SRGAP3: variants seen among roughly 807,000 people sequenced by gnomAD.
SRGAP3 encodes SLIT-ROBO Rho GTPase activating protein 3, also known as SLIT-ROBO Rho GTPase-activating protein 3.
Under a neutral mutation model 121.1 loss-of-function variants are expected in SRGAP3, and 39 were observed. The observed-to-expected ratio is 0.32, with a 90% confidence interval of 0.25 to 0.42. The LOEUF is 0.42. Among genes scored for constraint, SRGAP3 ranks in the 10% least tolerant of loss-of-function variants. The pLI is 1.00. For missense variants in SRGAP3, 1,213 were observed against 1,470.6 expected, an observed-to-expected ratio of 0.82 and a Z score of 2.86; for synonymous variants, 601 against 570.0, an observed-to-expected ratio of 1.05 and a Z score of -0.77.
chr3:8,997,873 T>C (rs114789051), intron 18 of SRGAP3, among the ~76,000 whole-genome samples: 39 of 121,936 alleles, frequency 3.2e-4, no homozygotes, highest in African/African-American at 1.4e-3. Context: ...TAAATATTCA[T>C]AGAGGTTTTT....
In SRGAP3 at chr3:8,982,588, G is replaced by A. The variant is rs1488541239; in HGVS notation, c.*2931C>T. 1 of 224,692 alleles carries A rather than the reference G, an allele frequency of 4.5e-6. No individual in the cohort carries two copies. The highest frequency in any genetic ancestry group is 8.9e-6 in the Non-Finnish European group (1 of 112,596). 13.9% of individuals were successfully genotyped at this position (224,692 alleles called of 1,614,324 possible). A position where few individuals can be genotyped will look rare whatever the true frequency, so the allele number is the denominator to read the frequency against. The stretch of plus-strand genomic sequence containing the variant: ...ATTTAAGCAAATACAGCAATATATA[G>A]TGGACTAAAACAGGCAGGAGTCAGA... On this transcript the variant is annotated 3_prime_UTR_variant, in exon 22 of 22. Coordinates refer to ENST00000383836, the MANE Select transcript of SRGAP3 (RefSeq NM_014850.4).
At chr3:9,176,066 C>T (rs1334828391) in intron 1 of SRGAP3, among the ~76,000 whole-genome samples, 1 of 152,164 alleles carries the variant, frequency 6.6e-6, no homozygotes. Context: ...GGACTACAGG[C>T]ACGTGCCACC....
In SRGAP3 at chr3:9,223,411, C is replaced by T. The variant is rs192872747; in HGVS notation, c.67+25474G>A. On this transcript the variant is annotated intron_variant, in intron 1 of 21. Transcript: ENST00000383836. ...GAATTAAATAGATTTTTCTACAGGA[C>T]TTATCAGAGTCTTTAATACATAGAA... is the stretch of plus-strand genomic sequence containing the variant. Among the ~76,000 whole-genome samples, 458 of 152,308 alleles carry T rather than the reference C, an allele frequency of 3.0e-3. 16 individuals carry two copies. The highest frequency in any genetic ancestry group is 0.028 in the Admixed American group (430 of 15,294).
rs897439554 is a variant in SRGAP3, at chr3:9,324,935, C to T, written n.442+1075G>A. 3.3e-5 allele frequency among the ~76,000 whole-genome samples: 5 copies of T among 150,860 alleles called. No individual in the cohort carries two copies. In the South Asian group the frequency reaches 6.2e-4, roughly 19 times the overall value. ...TCGCGCCACTGCACTCCAGCCTGGG[C>T]GACAGAGCCAGACTCCATCTCAAAA... On this transcript the variant is annotated intron_variant and non_coding_transcript_variant, in intron 3 of 3. Transcript: ENST00000490889.
chr3:9,306,818 A>C (rs1384885669), intron 3 of SRGAP3, among the ~76,000 whole-genome samples: 3 of 152,194 alleles, frequency 2.0e-5, no homozygotes, highest in Non-Finnish European at 4.4e-5. Flanking sequence ...AAGTCACAAA[A>C]ATGACAACCT....
chr3:9,188,359 T>C (rs1951660724), intron 1 of SRGAP3, among the ~76,000 whole-genome samples: 1 of 152,210 alleles, frequency 6.6e-6, no homozygotes, highest in African/African-American at 2.4e-5. Flanking sequence ...TGTTACACAA[T>C]TATAGGTCTT....
intron 18 of SRGAP3, among the ~76,000 whole-genome samples, chr3:9,005,736 T>C (rs1029553958): frequency 3.3e-5 from 5 of 152,142 alleles, no homozygotes; most frequent in African/African-American, 1.2e-4. Flanking sequence ...AGACTTACAG[T>C]TGCATTGACT....
chr3:9,088,542 G>C (rs1035816375), intron 3 of SRGAP3, among the ~76,000 whole-genome samples: 1 of 152,114 alleles, frequency 6.6e-6, no homozygotes, highest in African/African-American at 2.4e-5. Flanking sequence ...ACCCGTGAGA[G>C]GCCAGTAGCA....
intron 2 of SRGAP3, among the ~76,000 whole-genome samples, chr3:9,120,594 C>T (rs149152911): frequency 7.7e-4 from 118 of 152,278 alleles, no homozygotes; most frequent in Non-Finnish European, 1.6e-3. Flanking sequence ...TTTTCATGCT[C>T]GACAGCTCAT....
At chr3:9,354,135 G>C (rs1041155561) in intron 1 of SRGAP3, among the ~76,000 whole-genome samples, 1 of 151,960 alleles carries the variant, frequency 6.6e-6, no homozygotes, top group African/African-American at 2.4e-5. Flanking sequence ...GGAAGGGGGC[G>C]ACAGGATGGT....
chr3:9,126,858 C>T (rs1406794442), intron 1 of SRGAP3, among the ~76,000 whole-genome samples: 3 of 152,224 alleles, frequency 2.0e-5, no homozygotes, highest in East Asian at 1.9e-4. Flanking sequence ...ACCCAAGAAG[C>T]CCTGGCTTCA....
intron 18 of SRGAP3, among the ~76,000 whole-genome samples, chr3:9,006,410 A>AAAAAG (rs1559892472): frequency 6.6e-6 from 1 of 151,368 alleles, no homozygotes; most frequent in Non-Finnish European, 1.5e-5. Flanking sequence ...AAAAAAAAAA[A>AAAAAG]AAAAGAAAAG....
chr3:9,129,069 T>A (rs1949344903), intron 1 of SRGAP3, among the ~76,000 whole-genome samples: 1 of 152,202 alleles, frequency 6.6e-6, no homozygotes, highest in Admixed American at 6.5e-5. Flanking sequence ...AAATTTAAAA[T>A]TGCTATGTTA....
At chr3:9,079,894 C>G in intron 4 of SRGAP3, 131 bp downstream of exon 4, 1 of 852,762 alleles carries the variant, frequency 1.2e-6, no homozygotes, top group South Asian at 1.6e-5. Flanking sequence ...CGATGACCCA[C>G]TGTCACTCAG....
intron 17 of SRGAP3, among the ~76,000 whole-genome samples, 196 bp from the exon 18 acceptor site, chr3:9,010,583 G>A (rs891488150): frequency 1.2e-4 from 18 of 152,044 alleles, no homozygotes; most frequent in African/African-American, 3.6e-4. Context: ...TCCTCCTTGC[G>A]AAGCTTCCCA....
chr3:9,081,264 A>G (rs2664089), intron 3 of SRGAP3: 438,604 of 456,670 alleles, frequency 0.96, 210,713 homozygotes, highest in East Asian at 1. Flanking sequence ...ACCATTGCCT[A>G]GATCCTGACA....
chr3:9,173,485 T>C (rs564048655), intron 1 of SRGAP3, among the ~76,000 whole-genome samples: 5 of 151,876 alleles, frequency 3.3e-5, no homozygotes, highest in Non-Finnish European at 5.9e-5. Context: ...GTGGGAGAAA[T>C]AGCTGAGCAA....
At chr3:9,005,163 G>C (rs1405819399) in intron 18 of SRGAP3, among the ~76,000 whole-genome samples, 1 of 152,160 alleles carries the variant, frequency 6.6e-6, no homozygotes, top group Non-Finnish European at 1.5e-5. Flanking sequence ...TGACCAAAAA[G>C]CACATGAAAA....
chr3:9,231,006 C>T (rs959965254), intron 1 of SRGAP3, among the ~76,000 whole-genome samples: 18 of 152,306 alleles, frequency 1.2e-4, no homozygotes, highest in Non-Finnish European at 2.5e-4. Context: ...CAATCCTCCC[C>T]CTGCCCATTC....
Sources: allele counts gnomAD v4.1 joint callset (sites outside exome capture counted in the v4.1 genomes callset), GRCh38; gene constraint gnomAD v4.1.1; transcripts MANE v1.5; gene names NCBI Gene and HGNC (gene_info 2026-07-23, HGNC 2026-07-21).